SYT1: variants seen among roughly 807,000 people sequenced by gnomAD.
SYT1 encodes the protein synaptotagmin 1.
In SYT1, 8 loss-of-function variants were observed where a neutral mutation model predicts 44.8. The ratio of observed to expected loss-of-function variants is 0.18; its 90% CI spans 0.10 to 0.32. SYT1 has a LOEUF of 0.32. Among genes scored for constraint, SYT1 ranks in the 10% least tolerant of loss-of-function variants. The probability of loss-of-function intolerance (pLI) is 1.00; values close to 1 mark genes in which losing one functional copy is unlikely to be tolerated. For synonymous variants in SYT1, 154 were observed against 188.8 expected (o/e 0.82, Z 1.51); for missense variants, 286 against 509.3 (o/e 0.56, Z 4.22).
intron 3 of SYT1, among the ~76,000 whole-genome samples, chr12:79,146,382 C>T (rs1869915533): frequency 6.6e-6 from 1 of 152,184 alleles, no homozygotes; most frequent in Admixed American, 6.5e-5. Context: ...TGTACTGTCT[C>T]ATTCAATCTT....
intron 1 of SYT1, among the ~76,000 whole-genome samples, chr12:78,870,216 C>A (rs963012009): frequency 9.2e-5 from 14 of 152,036 alleles, no homozygotes; most frequent in African/African-American, 3.4e-4. Flanking sequence ...AACCATGCTA[C>A]GGCAATCATA....
chr12:79,219,437 T>C (rs945265724), intron 4 of SYT1, among the ~76,000 whole-genome samples: 1 of 152,084 alleles, frequency 6.6e-6, no homozygotes, highest in Non-Finnish European at 1.5e-5. Context: ...GACCATGTCA[T>C]AAAATTTTTA....
rs375187784 is a variant in SYT1 at position 79,243,845 on chromosome 12, G to A, written c.166+26160G>A. Among the ~76,000 whole-genome samples the A allele has an allele frequency of 3.5e-4, 53 of 151,968 alleles. 1 individual carries two copies. In the South Asian group the frequency reaches 0.011, roughly 31 times the overall value. On this transcript the variant is annotated intron_variant, in intron 4 of 10. Transcript: ENST00000261205. ...AGGAAAAAAGAGAGGAAGAAAAAAGGAAGAAAGGAAGGTGAGATGGAAGGA... is the reference window on the plus strand; with the variant it reads ...AGGAAAAAAGAGAGGAAGAAAAAAGAAAGAAAGGAAGGTGAGATGGAAGGA...
intron 1 of SYT1, among the ~76,000 whole-genome samples, chr12:78,903,989 T>C (rs1326438759): frequency 1.3e-5 from 2 of 151,988 alleles, no homozygotes; most frequent in South Asian, 4.2e-4. Context: ...TACAGAAAAC[T>C]TGATCTGTCT....
At chr12:78,997,725 C>T (rs17046180) in intron 2 of SYT1, among the ~76,000 whole-genome samples, 12,747 of 149,274 alleles carry the variant, frequency 0.085, 662 homozygotes, top group African/African-American at 0.14. Context: ...GATGAGATGA[C>T]GGGTAGGAAA....
chr12:79,023,627 A>G (rs935710132), intron 2 of SYT1, among the ~76,000 whole-genome samples: 4 of 151,872 alleles, frequency 2.6e-5, no homozygotes, highest in African/African-American at 7.2e-5. Flanking sequence ...TTTTTATTAT[A>G]TATAACTGAC....
chr12:79,437,192 G>T (rs948758382), intron 9 of SYT1, among the ~76,000 whole-genome samples: 2 of 152,094 alleles, frequency 1.3e-5, no homozygotes, highest in African/African-American at 2.4e-5. Context: ...GTGGAGTTTG[G>T]ATTTTTTTAG....
At chr12:79,448,546 G>T (rs762210342) in intron 10 of SYT1, among the ~76,000 whole-genome samples, 44 of 152,274 alleles carry the variant, frequency 2.9e-4, no homozygotes, top group Admixed American at 5.2e-4. Flanking sequence ...TTAGAGGTTA[G>T]CACAAGTTGA....
chr12:79,228,981 C>T (rs189840878), intron 4 of SYT1, among the ~76,000 whole-genome samples: 37 of 152,322 alleles, frequency 2.4e-4, no homozygotes, highest in African/African-American at 8.7e-4. Flanking sequence ...CAGAGTTCTT[C>T]ATTCAAATCT....
chr12:79,069,524 T>C (rs1876119323), intron 3 of SYT1, among the ~76,000 whole-genome samples: 1 of 150,990 alleles, frequency 6.6e-6, no homozygotes, highest in Non-Finnish European at 1.5e-5. Flanking sequence ...GTGATTTTTC[T>C]ATTTTATTTA....
At chr12:79,301,935 G>C (rs1371681007) in intron 8 of SYT1, among the ~76,000 whole-genome samples, 1 of 152,066 alleles carries the variant, frequency 6.6e-6, no homozygotes, top group Non-Finnish European at 1.5e-5. Flanking sequence ...AAGTATCTCT[G>C]GATGACTAGA....
In SYT1 at chr12:78,903,229, AAG is replaced by A. The variant is rs1160885551; in HGVS notation, c.-217+38124_-217+38125del. Among the ~76,000 whole-genome samples, 20 of 151,578 alleles carry A rather than the reference AAG, an allele frequency of 1.3e-4. No individual in the cohort carries two copies. The East Asian group carries it at 2.9e-3, about 22-fold the overall frequency. On this transcript the variant is annotated intron_variant, in intron 1 of 10. Coordinates refer to ENST00000261205, the MANE Select transcript of SYT1 (RefSeq NM_005639.3). ...AGAGTTTTGTGTTTTATATTAAAAA[AAG>A]AGAAAAATCTCAAAATATTTATACA... is the stretch of plus-strand genomic sequence containing the variant.
At chr12:79,206,467 A>G (rs1412982746) in intron 3 of SYT1, among the ~76,000 whole-genome samples, 1 of 152,190 alleles carries the variant, frequency 6.6e-6, no homozygotes, top group Admixed American at 6.5e-5. Context: ...GGCCTGGCAG[A>G]CAGTGATAGT....
intron 2 of SYT1, among the ~76,000 whole-genome samples, chr12:79,006,455 A>G (rs977846735): frequency 6.6e-6 from 1 of 152,106 alleles, no homozygotes; most frequent in Non-Finnish European, 1.5e-5. Context: ...AATGAGGTCT[A>G]GACAACAGGT....
chr12:78,934,359 A>AAAAC (rs1230937964), intron 1 of SYT1, among the ~76,000 whole-genome samples: 8 of 151,980 alleles, frequency 5.3e-5, no homozygotes, highest in Non-Finnish European at 8.8e-5. Flanking sequence ...TATCTCTACA[A>AAAAC]AAACAAACAA....
intron 1 of SYT1, among the ~76,000 whole-genome samples, chr12:78,976,922 C>T (rs1480846172): frequency 6.6e-6 from 1 of 152,074 alleles, no homozygotes; most frequent in Non-Finnish European, 1.5e-5. Context: ...TACTTTATAA[C>T]TCAGTTTTTT....
chr12:79,263,702 C>A (rs1006814430), intron 4 of SYT1, among the ~76,000 whole-genome samples: 1 of 152,146 alleles, frequency 6.6e-6, no homozygotes, highest in African/African-American at 2.4e-5. Context: ...AAAAACACAG[C>A]TATCCCTTTT....
chr12:79,436,445 G>GTACTGTAGTTAAGAAAGTAGTTA (rs1870095032), intron 9 of SYT1, among the ~76,000 whole-genome samples: 2 of 152,104 alleles, frequency 1.3e-5, no homozygotes, highest in Non-Finnish European at 2.9e-5. Context: ...ATGGTCACAG[G>GTACTGTAGTTAAGAAAGTAGTTA]AGCCCACGGT....
At chr12:78,967,311 T>G (rs551797451) in intron 1 of SYT1, among the ~76,000 whole-genome samples, 1 of 152,270 alleles carries the variant, frequency 6.6e-6, no homozygotes, top group African/African-American at 2.4e-5. Context: ...CGGCTAGTAT[T>G]GAGAGAGCAA....
Sources: allele counts gnomAD v4.1 joint callset (sites outside exome capture counted in the v4.1 genomes callset), GRCh38; gene constraint gnomAD v4.1.1; transcripts MANE v1.5; gene names NCBI Gene and HGNC (gene_info 2026-07-23, HGNC 2026-07-21).